Variants in EPC2 observed in about 807,000 individuals in gnomAD.
EPC2 encodes the protein enhancer of polycomb 2.
In EPC2, 14 loss-of-function variants were observed where a neutral mutation model predicts 92.1. The observed-to-expected ratio is 0.15, with a 90% CI of 0.10 to 0.24. The LOEUF (loss-of-function observed/expected upper bound fraction) is 0.24, where lower values mean the gene tolerates loss of function less well. Among genes scored for constraint, EPC2 ranks in the 10% least tolerant of loss-of-function variants. The probability of loss-of-function intolerance (pLI) is 1.00; values close to 1 mark genes in which losing one functional copy is unlikely to be tolerated. For missense variants in EPC2, 755 were observed against 971.5 expected, an observed-to-expected ratio of 0.78 and a Z score of 2.96; for synonymous variants, 340 against 334.7, an observed-to-expected ratio of 1.02 and a Z score of -0.17.
intron 10 of EPC2, among the ~76,000 whole-genome samples, chr2:148,777,132 T>A (rs575938909): frequency 1.3e-5 from 2 of 151,788 alleles, no homozygotes; most frequent in African/African-American, 2.4e-5. Context: ...AGTGCTGGGA[T>A]TACAGACGTG....
At chr2:148,738,595 G>A (rs1302887613) in intron 2 of EPC2, among the ~76,000 whole-genome samples, 1 of 152,200 alleles carries the variant, frequency 6.6e-6, no homozygotes, top group African/African-American at 2.4e-5. Flanking sequence ...AGAAAAGAGG[G>A]TAAGTGACAT....
chr2:148,697,981 A>G (rs1022220873), intron 2 of EPC2, among the ~76,000 whole-genome samples: 19 of 152,178 alleles, frequency 1.2e-4, no homozygotes, highest in African/African-American at 4.6e-4. Context: ...TTTGCTTTCA[A>G]TGAAATTGGA....
rs948128479 is a variant in EPC2, at chr2:148,771,956, G to A, written c.1720+569G>A. On this transcript the variant is annotated intron_variant, in intron 10 of 13. Coordinates refer to ENST00000258484, the MANE Select transcript of EPC2 (RefSeq NM_015630.4). ...TGGGACTACAGGCGTGCACCACCAC[G>A]CCCAGCTAATTTTTGTATTTTTAGT... Among the ~76,000 whole-genome samples, 4 of 151,952 alleles carry A rather than the reference G, an allele frequency of 2.6e-5. 1 individual carries two copies. Among genetic ancestry groups the A allele is most frequent in the African/African-American group, 4.8e-5 (2 of 41,424 alleles).
intron 1 of EPC2, among the ~76,000 whole-genome samples, chr2:148,669,285 G>A (rs982245917): frequency 1.3e-5 from 2 of 152,108 alleles, no homozygotes; most frequent in African/African-American, 4.8e-5. Context: ...TATTTTTAAT[G>A]AGTCTCTTTT....
chr2:148,712,190 C>T lies in EPC2; in HGVS notation c.313+21817C>T, dbSNP rs377520507. Among the ~76,000 whole-genome samples the T allele has an allele frequency of 3.6e-4, 54 of 151,864 alleles. 2 individuals are homozygous for T. The South Asian group carries it at 8.5e-3, about 24-fold the overall frequency. On this transcript the variant is annotated intron_variant, in intron 2 of 13. Transcript: ENST00000258484. ...TGTGCTTTTAATTAAGAATTTTATACTTCTGTTTTCTCTCCTTTCTTAGCA... is the reference window on the plus strand; with the variant it reads ...TGTGCTTTTAATTAAGAATTTTATATTTCTGTTTTCTCTCCTTTCTTAGCA...
chr2:148,759,083 T>C (rs993576360), intron 4 of EPC2, among the ~76,000 whole-genome samples: 2 of 151,930 alleles, frequency 1.3e-5, no homozygotes, highest in African/African-American at 4.8e-5. Flanking sequence ...CAGGAAAAAA[T>C]GTATTGTTAT....
chr2:148,733,558 C>A (rs781171053), intron 2 of EPC2, among the ~76,000 whole-genome samples: 2 of 134,908 alleles, frequency 1.5e-5, no homozygotes, highest in South Asian at 2.6e-4. Flanking sequence ...AGTGCAGTGC[C>A]GCCATCATAG....
chr2:148,771,922 C>G (rs183324439), intron 10 of EPC2, among the ~76,000 whole-genome samples: 149 of 152,124 alleles, frequency 9.8e-4, no homozygotes, highest in African/African-American at 3.5e-3. Context: ...TCTCAGCCTC[C>G]CAAATAGCTG....
At chr2:148,772,094 C>T (rs1239448324) in intron 10 of EPC2, among the ~76,000 whole-genome samples, 3 of 152,082 alleles carry the variant, frequency 2.0e-5, no homozygotes, top group Non-Finnish European at 2.9e-5. Flanking sequence ...CCACTGTGCC[C>T]GGCCCCTATG....
chr2:148,710,451 A>G (rs553092669), intron 2 of EPC2, among the ~76,000 whole-genome samples: 9 of 152,330 alleles, frequency 5.9e-5, no homozygotes, highest in Admixed American at 3.3e-4. Context: ...CAATTCCTCA[A>G]GGATCTAGAA....
At chr2:148,688,557 T>TATA (rs1681576953) in intron 1 of EPC2, among the ~76,000 whole-genome samples, 2 of 152,142 alleles carry the variant, frequency 1.3e-5, no homozygotes, top group South Asian at 4.2e-4. Flanking sequence ...AAACTTAAAG[T>TATA]ATAATAATAA....
At chr2:148,755,411 G>A (rs758100555) in intron 4 of EPC2, among the ~76,000 whole-genome samples, 47 of 151,758 alleles carry the variant, frequency 3.1e-4, no homozygotes, top group Non-Finnish European at 8.8e-5. Context: ...ATCGCTTTTT[G>A]AAAGCAGTAT....
At chr2:148,724,870 CAGAT>C (rs1377239074) in intron 2 of EPC2, among the ~76,000 whole-genome samples, 2 of 152,002 alleles carry the variant, frequency 1.3e-5, no homozygotes, top group Non-Finnish European at 2.9e-5. Flanking sequence ...ATTATGATGT[CAGAT>C]AGGCTGTTTT....
intron 1 of EPC2, among the ~76,000 whole-genome samples, chr2:148,674,559 A>G (rs780819460): frequency 5.9e-5 from 9 of 152,180 alleles, no homozygotes; most frequent in African/African-American, 1.2e-4. Flanking sequence ...GCTGAGCCCA[A>G]TTCTGTTCTC....
intron 7 of EPC2, 71 bp downstream of exon 7, chr2:148,765,217 G>C: frequency 8.8e-7 from 1 of 1,136,728 alleles, no homozygotes; most frequent in South Asian, 2.1e-5. Context: ...TAAAACAATT[G>C]CTATCTTAGA....
intron 1 of EPC2, among the ~76,000 whole-genome samples, chr2:148,670,170 C>A (rs533657770): frequency 6.6e-6 from 1 of 152,330 alleles, no homozygotes; most frequent in African/African-American, 2.4e-5. Context: ...ACTCTGGGAA[C>A]TAACTACTGA....
chr2:148,654,389 T>C (rs1044931634), intron 1 of EPC2, among the ~76,000 whole-genome samples: 2 of 152,362 alleles, frequency 1.3e-5, no homozygotes, highest in Non-Finnish European at 2.9e-5. Flanking sequence ...TACATTATTC[T>C]GTGATAGAGT....
At chr2:148,777,190 A>C (rs1683663820) in intron 10 of EPC2, among the ~76,000 whole-genome samples, 1 of 152,116 alleles carries the variant, frequency 6.6e-6, no homozygotes, top group Non-Finnish European at 1.5e-5. Flanking sequence ...AAGAGAAAAA[A>C]AAAGAAAAGA....
chr2:148,723,562 G>A (rs776558889), intron 2 of EPC2, among the ~76,000 whole-genome samples: 1 of 152,154 alleles, frequency 6.6e-6, no homozygotes, highest in Admixed American at 6.6e-5. Context: ...CGATGCTTTT[G>A]CCTTGTGACC....
Sources: gnomAD v4.1 joint callset for allele counts (sites outside exome capture counted in the v4.1 genomes callset) on GRCh38, gnomAD v4.1.1 for gene constraint, MANE v1.5 for transcripts, NCBI Gene and HGNC (gene_info 2026-07-23, HGNC 2026-07-21) for gene names.